The following ZCCHC4 variants were observed in gnomAD, a reference collection of about 807,000 sequenced individuals.
ZCCHC4 encodes rRNA N(6)-adenosine-methyltransferase ZCCHC4.
ZCCHC4 carries 54 observed loss-of-function variants against 67.7 expected under a neutral mutation model. The ratio of observed to expected loss-of-function variants is 0.80; its 90% CI spans 0.64 to 1.00. The LOEUF is 1.00. Ranked by LOEUF, ZCCHC4 falls within the 50% of genes least tolerant of loss-of-function variation. The pLI, the probability that ZCCHC4 is intolerant of heterozygous loss-of-function variation, is 0.00. For synonymous variants in ZCCHC4, 198 were observed against 213.5 expected (o/e 0.93, Z 0.63); for missense variants, 609 against 617.0 (o/e 0.99, Z 0.14).
intron 7 of ZCCHC4, among the ~76,000 whole-genome samples, chr4:25,351,182 G>C (rs1720282186): frequency 6.6e-6 from 1 of 152,168 alleles, no homozygotes; most frequent in Non-Finnish European, 1.5e-5. Context: ...TGAAAACTAA[G>C]ATAATGAGTT....
In ZCCHC4 at chr4:25,317,730, AG is replaced by A. The variant is rs375363021; in HGVS notation, c.329+2331del. Reference sequence around the variant, plus strand: ...AAAAAAAAAAAAAAAAAAAAAAGAAAGAAAAGAAAATGGAGCACTACTGTGA... The same window carrying A: ...AAAAAAAAAAAAAAAAAAAAAAGAAAAAAAGAAAATGGAGCACTACTGTGA... On this transcript the variant is annotated intron_variant, in intron 3 of 12. Transcript: ENST00000302874. Among the ~76,000 whole-genome samples, 892 of 128,350 alleles carry A rather than the reference AG, an allele frequency of 6.9e-3. 38 individuals carry two copies. The highest frequency in any genetic ancestry group is 0.011 in the Non-Finnish European group (635 of 58,626). The allele number at this position is 128,350 out of a possible 152,430, so 84.2% of individuals were successfully genotyped here.
At chr4:25,315,191 T>A (rs1577719072) in intron 2 of ZCCHC4, 127 bp from the exon 3 acceptor site, 1 of 774,586 alleles carries the variant, frequency 1.3e-6, no homozygotes, top group East Asian at 2.8e-5. Context: ...TGTTTTGTTT[T>A]CTCCTGAAAT....
At chr4:25,318,665 TTCTTA>T (rs1718410386) in intron 3 of ZCCHC4, among the ~76,000 whole-genome samples, 1 of 152,158 alleles carries the variant, frequency 6.6e-6, no homozygotes, top group Non-Finnish European at 1.5e-5. Flanking sequence ...TAAACCACTG[TTCTTA>T]TCTTTGTAGT....
At chr4:25,368,167 C>T (rs978427521) in intron 12 of ZCCHC4, among the ~76,000 whole-genome samples, 2 of 152,172 alleles carry the variant, frequency 1.3e-5, no homozygotes, top group Non-Finnish European at 2.9e-5. Flanking sequence ...CAAGAATAAG[C>T]TTTTCCTATG....
At chr4:25,357,505 C>G (rs1720563702) in intron 8 of ZCCHC4, among the ~76,000 whole-genome samples, 2 of 152,184 alleles carry the variant, frequency 1.3e-5, no homozygotes, top group African/African-American at 2.4e-5. Flanking sequence ...TCCCTTGGGT[C>G]TCCTCATCCT....
Position 25,334,007 on chromosome 4 carries a change from G to A in ZCCHC4, c.686+19G>A, listed in dbSNP as rs766595591. ...ATTTTCGGTAGGTTTACAAAATACA[G>A]TATTTCCTTTCATTGTCTCCTGTTT... is the stretch of plus-strand genomic sequence containing the variant. On this transcript the variant is annotated intron_variant, in intron 5 of 12. Transcript: ENST00000302874. The A allele has an allele frequency of 6.7e-7, 1 of 1,498,488 alleles. No individual in the cohort carries two copies. The highest frequency in any genetic ancestry group is 2.1e-5 in the Admixed American group (1 of 48,754). The allele number at this position is 1,498,488 out of a possible 1,614,324, so 92.8% of individuals were successfully genotyped here. A position where few individuals can be genotyped will look rare whatever the true frequency, so the allele number is the denominator to read the frequency against.
intron 5 of ZCCHC4, among the ~76,000 whole-genome samples, chr4:25,336,601 C>T (rs1305772897): frequency 6.6e-6 from 1 of 152,210 alleles, no homozygotes. Flanking sequence ...ATTCTCCTTC[C>T]ACAGCCTCCC....
Position 25,333,165 on chromosome 4 carries a change from T to G in ZCCHC4, c.330-18T>G, listed in dbSNP as rs767283119. 1 of 1,597,292 alleles carries G rather than the reference T, an allele frequency of 6.3e-7. No individual in the cohort carries two copies. Among genetic ancestry groups the G allele is most frequent in the South Asian group, 1.1e-5 (1 of 89,588 alleles). ...TAAACTTAAAATATATTTCTTTGTG[T>G]TTTATTTTGTCTTGAAGGTACTTGA... is the stretch of plus-strand genomic sequence containing the variant. On this transcript the variant is annotated intron_variant, in intron 3 of 12. Transcript: ENST00000302874.
intron 6 of ZCCHC4, among the ~76,000 whole-genome samples, chr4:25,348,996 G>A (rs1720156588): frequency 6.6e-6 from 1 of 152,168 alleles, no homozygotes; most frequent in Admixed American, 6.5e-5. Flanking sequence ...GTTCAAATAT[G>A]TCTGCCTGAT....
intron 3 of ZCCHC4, among the ~76,000 whole-genome samples, chr4:25,318,432 C>T (rs1329427914): frequency 7.4e-6 from 1 of 134,796 alleles, no homozygotes; most frequent in African/African-American, 2.8e-5. Flanking sequence ...TCTCATCTCA[C>T]TGCCACCTCC....
chr4:25,313,794 A>C (rs928364586), intron 1 of ZCCHC4, among the ~76,000 whole-genome samples: 1 of 152,172 alleles, frequency 6.6e-6, no homozygotes, highest in African/African-American at 2.4e-5. Context: ...TGAGGCTAGG[A>C]AGCAGGATCT....
intron 10 of ZCCHC4, 121 bp downstream of exon 10, chr4:25,362,422 T>C: frequency 1.8e-6 from 1 of 555,330 alleles, no homozygotes; most frequent in African/African-American, 1.9e-5. Context: ...TGTATTATCA[T>C]TTATTAATTA....
In ZCCHC4 at chr4:25,345,621, G is replaced by T. The variant is rs201842220; in HGVS notation, c.759+1G>T. On this transcript the variant is annotated splice_donor_variant, in intron 6 of 12. Coordinates refer to ENST00000302874, the MANE Select transcript of ZCCHC4 (RefSeq NM_024936.3). LOFTEE classifies it high-confidence loss of function. The stretch of plus-strand genomic sequence containing the variant: ...TAACCATCATTTCTTTGATGGAAAG[G>T]TAAGAGCTGTGACCATTATCTCATT... 1 of 1,556,436 alleles carries T rather than the reference G, an allele frequency of 6.4e-7. No homozygotes were observed. The highest frequency in any genetic ancestry group is 8.8e-7 in the Non-Finnish European group (1 of 1,132,790).
chr4:25,325,201 G>C (rs1341774621), intron 3 of ZCCHC4, among the ~76,000 whole-genome samples: 1 of 108,730 alleles, frequency 9.2e-6, no homozygotes, highest in African/African-American at 3.2e-5. Flanking sequence ...CCGAGATCTC[G>C]CCACTGCACT....
At chr4:25,318,687 G>A (rs1332192231) in intron 3 of ZCCHC4, among the ~76,000 whole-genome samples, 1 of 151,852 alleles carries the variant, frequency 6.6e-6, no homozygotes, top group African/African-American at 2.4e-5. Context: ...TAGTGCCAGA[G>A]TATATTTTTT....
In ZCCHC4 at chr4:25,359,287, C is replaced by T. The variant is rs1720630327; in HGVS notation, c.1012-2572C>T. On this transcript the variant is annotated intron_variant, in intron 8 of 12. Coordinates refer to ENST00000302874, the MANE Select transcript of ZCCHC4 (RefSeq NM_024936.3). The surrounding 1 kb of genome is among the most constrained non-coding windows in gnomAD (Gnocchi z 4.9). ...GCTACGAGAAGTACACACCCAGTCC[C>T]TGAGGGATGCAGTACAGATAAGGGC... Among the ~76,000 whole-genome samples the T allele has an allele frequency of 6.6e-6, 1 of 152,168 alleles. No individual in the cohort carries two copies. Among genetic ancestry groups the T allele is most frequent in the Admixed American group, 6.5e-5 (1 of 15,274 alleles).
chr4:25,326,105 G>A (rs987022282), intron 3 of ZCCHC4, among the ~76,000 whole-genome samples: 1 of 152,204 alleles, frequency 6.6e-6, no homozygotes, highest in South Asian at 2.1e-4. Context: ...ATCAACTAAA[G>A]CAGGTTAAAG....
At position 25,356,430 on chromosome 4, in the gene ZCCHC4, A is replaced by C. The variant is rs536926334; in HGVS notation, c.1011+4741A>C. Among the ~76,000 whole-genome samples the C allele has an allele frequency of 6.0e-4, 91 of 152,330 alleles. 2 individuals carry two copies. In the South Asian group the frequency reaches 0.016, roughly 27 times the overall value. On this transcript the variant is annotated intron_variant, in intron 8 of 12. Transcript: ENST00000302874. The stretch of plus-strand genomic sequence containing the variant: ...TTTACATACCATATGTTTATAGTTA[A>C]TTAGCACAACAAACCCGCATTTAAA...
intron 3 of ZCCHC4, among the ~76,000 whole-genome samples, chr4:25,331,059 C>G (rs1161231865): frequency 6.6e-6 from 1 of 152,152 alleles, no homozygotes; most frequent in East Asian, 1.9e-4. Flanking sequence ...TCAGCTCTGT[C>G]TCATCAATTC....
Sources: gnomAD v4.1 joint callset for allele counts (sites outside exome capture counted in the v4.1 genomes callset) on GRCh38, gnomAD v4.1.1 for gene constraint, Gnocchi (gnomAD v3.1) non-coding constraint, MANE v1.5 for transcripts, NCBI Gene and HGNC (gene_info 2026-07-23, HGNC 2026-07-21) for gene names.